The following ZNF12 variants were observed in gnomAD, a reference collection of about 807,000 sequenced individuals.
ZNF12 encodes the protein gonadotropin inducible transcription repressor 3.
ZNF12 carries 34 observed loss-of-function variants against 66.6 expected under a neutral mutation model. The ratio of observed to expected loss-of-function variants is 0.51; its 90% CI spans 0.39 to 0.68. The LOEUF is 0.68. Ranked by LOEUF, ZNF12 falls within the 30% of genes least tolerant of loss-of-function variation. ZNF12 has a pLI of 0.00. For missense variants in ZNF12, 697 were observed against 826.9 expected, an observed-to-expected ratio of 0.84 and a Z score of 1.93; for synonymous variants, 320 against 278.9, an observed-to-expected ratio of 1.15 and a Z score of -1.47.
At chr7:6,694,472 C>T (rs3801033) in intron 4 of ZNF12, among the ~76,000 whole-genome samples, 49,905 of 152,048 alleles carry the variant, frequency 0.33, 9,394 homozygotes, top group African/African-American at 0.53. Flanking sequence ...AAAAATATTC[C>T]GTTGCAGGAA....
intron 2 of ZNF12, among the ~76,000 whole-genome samples, chr7:6,703,874 C>T (rs763144006): frequency 3.3e-5 from 5 of 152,240 alleles, no homozygotes; most frequent in Non-Finnish European, 5.9e-5. Context: ...CAAATGTCCA[C>T]TAAGAGCATG....
At chr7:6,700,302 T>TACACACACACACACAC (rs780908025) in intron 2 of ZNF12, among the ~76,000 whole-genome samples, 3 of 83,876 alleles carry the variant, frequency 3.6e-5, no homozygotes, top group African/African-American at 1.7e-4. Flanking sequence ...AAAAAAAAAA[T>TACACACACACACACAC]ATACACACAC....
chr7:6,691,515 A>G lies in ZNF12; in HGVS notation c.1427T>C (p.Leu476Pro). The stretch of plus-strand genomic sequence containing the variant: ...CTGATGTCTCATGAGGGCTGAATTC[A>G]GGTAGAAGGTTTTTCCACATTCATT... ...ECNECGKTFY[L>P]NSALMRHQRV... Residue 476 changes from leucine to proline, a missense_variant, in exon 5 of 5, where the codon CTG becomes CCG. This residue lies in a region of ZNF12 where 401 missense variants were observed against 519.0 expected (regional missense o/e 0.77). Transcript: ENST00000405858. 6.2e-7 allele frequency: 1 copy of G among 1,611,610 alleles called. No individual in the cohort carries two copies. The highest frequency in any genetic ancestry group is 8.5e-7 in the Non-Finnish European group (1 of 1,179,136).
chr7:6,691,172 T>C lies in ZNF12; in HGVS notation c.1770A>G (p.Ser590=). 6.2e-7 allele frequency: 1 copy of C among 1,614,128 alleles called. No individual in the cohort carries two copies. The highest frequency in any genetic ancestry group is 8.5e-7 in the Non-Finnish European group (1 of 1,180,000). Residue 590 remains serine, a synonymous_variant, in exon 5 of 5, where the codon TCA becomes TCG. Transcript: ENST00000405858. ...SECGKTFCQN[S]ALNRHQRTHT... ...GTGTTCTCTGATGTCGATTAAGGGC[T>C]GAATTCTGGCAGAAGGTTTTCCCAC...
chr7:6,692,449 C>T lies in ZNF12; in HGVS notation c.493G>A (p.Ala165Thr). The T allele has an allele frequency of 1.2e-6, 2 of 1,612,988 alleles. No homozygotes were observed. Among genetic ancestry groups the T allele is most frequent in the Non-Finnish European group, 1.7e-6 (2 of 1,179,364 alleles). ...SSDGSYARMK[A>T]DECSGCGKSL... is the part of the protein sequence containing the mutation. The stretch of plus-strand genomic sequence containing the variant: ...TTCCCACATCCACTACATTCATCAG[C>T]TTTCATTCTTGCATAGCTTCCATCA... Residue 165 changes from alanine to threonine, a missense_variant, in exon 5 of 5, where the codon GCT (alanine) becomes ACT (threonine). Around this residue, in one of 3 missense-constraint regions of ZNF12, gnomAD observed 241 missense variants for 224.0 expected, o/e 1.08. Transcript: ENST00000405858. The surrounding 1 kb of genome is among the most constrained non-coding windows in gnomAD (Gnocchi z 5.1).
rs1237772788 is a variant in ZNF12 at position 6,706,449 on chromosome 7, G to A, written c.-68C>T. The A allele has an allele frequency of 4.2e-6, 2 of 478,560 alleles. No homozygotes were observed. The highest frequency in any genetic ancestry group is 4.2e-6 in the Non-Finnish European group (1 of 240,680). 29.6% of individuals were successfully genotyped at this position (478,560 alleles called of 1,614,324 possible). On this transcript the variant is annotated 5_prime_UTR_variant, in exon 1 of 5. Coordinates refer to ENST00000405858, the MANE Select transcript of ZNF12 (RefSeq NM_016265.4). Reference sequence around the variant, plus strand: ...CGACTTACCCTCCTGGGGCTCCGCAGCCTCTGCCCCACCGCTCCCGACAGG... The same window carrying A: ...CGACTTACCCTCCTGGGGCTCCGCAACCTCTGCCCCACCGCTCCCGACAGG...
In ZNF12 at chr7:6,691,575, TA is replaced by T; in HGVS notation, c.1366del (p.Tyr456IlefsTer21). 6.2e-7 allele frequency: 1 copy of T among 1,614,184 alleles called. No homozygotes were observed. The highest frequency in any genetic ancestry group is 2.2e-5 in the East Asian group (1 of 44,884). ...FSRLSYLTVH[Y>X]RTHSGEKPYE... ...GGGTTTCTCTCCTGAATGAGTTCTA[TA>T]ATGTACAGTGAGATATGACAACCGA... On this transcript the variant is annotated frameshift_variant, in exon 5 of 5. Coordinates refer to ENST00000405858, the MANE Select transcript of ZNF12 (RefSeq NM_016265.4). LOFTEE classifies it high-confidence loss of function.
chr7:6,696,375 T>C lies in ZNF12; in HGVS notation c.238+964A>G, dbSNP rs1780155546. ...GAGGTGGAAAGGTGATTAGTAATTATAATTTGGAATAGGTCATGATCAATT... is the reference window on the plus strand; with the variant it reads ...GAGGTGGAAAGGTGATTAGTAATTACAATTTGGAATAGGTCATGATCAATT... On this transcript the variant is annotated intron_variant, in intron 4 of 4. Transcript: ENST00000405858. This position sits in a 1 kb window ranked among gnomAD's most constrained non-coding sequence, Gnocchi z 4.0. Among the ~76,000 whole-genome samples, 1 of 152,170 alleles carries C rather than the reference T, an allele frequency of 6.6e-6. No individual in the cohort carries two copies. Among genetic ancestry groups the C allele is most frequent in the South Asian group, 2.1e-4 (1 of 4,834 alleles).
Position 6,689,950 on chromosome 7 carries a change from A to G in ZNF12, c.*898T>C, listed in dbSNP as rs1371741264. 6.6e-6 allele frequency: 1 copy of G among 152,238 alleles called. No homozygotes were observed. Among genetic ancestry groups the G allele is most frequent in the Non-Finnish European group, 1.5e-5 (1 of 68,048 alleles). The allele number at this position is 152,238 out of a possible 1,614,324, so 9.4% of individuals were successfully genotyped here. On this transcript the variant is annotated 3_prime_UTR_variant, in exon 5 of 5. Transcript: ENST00000405858. ...TTTTAAGTATATCTTAAAACTGTAT[A>G]GAGTGCAATGATTTTCTCACTCTTG... is the stretch of plus-strand genomic sequence containing the variant.
In ZNF12 at chr7:6,697,578, C is replaced by G. The variant is rs368648516; in HGVS notation, c.142+107G>C. On this transcript the variant is annotated intron_variant, in intron 3 of 4. Transcript: ENST00000405858. This position sits in a 1 kb window ranked among gnomAD's most constrained non-coding sequence, Gnocchi z 6.1. ...AAGACCAAAATGCCCTGCCTGGTGC[C>G]CAAAAACAGATTACTCACATTCGTC... 2 of 1,559,180 alleles carry G rather than the reference C, an allele frequency of 1.3e-6. No individual in the cohort carries two copies. Among genetic ancestry groups the G allele is most frequent in the African/African-American group, 2.7e-5 (2 of 73,534 alleles).
intron 4 of ZNF12, among the ~76,000 whole-genome samples, chr7:6,693,437 T>G (rs1780105084): frequency 6.6e-6 from 1 of 152,256 alleles, no homozygotes; most frequent in South Asian, 2.1e-4. Flanking sequence ...AGCTATAGGC[T>G]TATCTTGTGA....
In ZNF12 at chr7:6,689,655, A is replaced by G. The variant is rs1780035655; in HGVS notation, c.*1193T>C. 6.5e-6 allele frequency: 1 copy of G among 152,674 alleles called. No homozygotes were observed. 9.5% of individuals were successfully genotyped at this position (152,674 alleles called of 1,614,324 possible). A position where few individuals can be genotyped will look rare whatever the true frequency, so the allele number is the denominator to read the frequency against. ...TCTTAATTCATTAACAGGAAGGAGT[A>G]GAGCACAAGGTTTAAAACCAGTACG... On this transcript the variant is annotated 3_prime_UTR_variant, in exon 5 of 5. Coordinates refer to ENST00000405858, the MANE Select transcript of ZNF12 (RefSeq NM_016265.4).
At chr7:6,701,349 A>T (rs1780240388) in intron 2 of ZNF12, among the ~76,000 whole-genome samples, 1 of 152,180 alleles carries the variant, frequency 6.6e-6, no homozygotes, top group Non-Finnish European at 1.5e-5. Context: ...AGAAAAAAAG[A>T]CAAAATGCTA....
rs1297277796 is a variant in ZNF12 at position 6,696,688 on chromosome 7, GT to G, written c.238+650del. On this transcript the variant is annotated intron_variant, in intron 4 of 4. Transcript: ENST00000405858. This position sits in a 1 kb window ranked among gnomAD's most constrained non-coding sequence, Gnocchi z 4.0. The stretch of plus-strand genomic sequence containing the variant: ...CTTACTAAGCACCTGCCATGACAGG[GT>G]ATCATTCAAGGCATTGGGAACAGAA... Among the ~76,000 whole-genome samples the G allele has an allele frequency of 1.2e-4, 18 of 152,112 alleles. No homozygotes were observed. The highest frequency in any genetic ancestry group is 1.2e-3 in the Admixed American group (18 of 15,254).
rs1317423446 is a variant in ZNF12, at chr7:6,706,922, G to A, written c.-541C>T. The A allele has an allele frequency of 2.7e-5, 11 of 413,072 alleles. No homozygotes were observed. In the Admixed American group the frequency reaches 2.7e-4, roughly 10 times the overall value. The allele number at this position is 413,072 out of a possible 1,614,324, so 25.6% of individuals were successfully genotyped here. On this transcript the variant is annotated 5_prime_UTR_variant, in exon 1 of 5. Coordinates refer to ENST00000405858, the MANE Select transcript of ZNF12 (RefSeq NM_016265.4). ...TGGGAACTAGGGCGAGCGGTGACCT[G>A]GGGACGCACAGGAAGCGAGGGCACT...
At position 6,698,798 on chromosome 7, in the gene ZNF12, T is replaced by C. The variant is rs553385353; in HGVS notation, c.16-987A>G. ...TGTCAAAACCACATCTATAAATGTG[T>C]ATCTTTTGAATAAAGTGTCCCATTC... On this transcript the variant is annotated intron_variant, in intron 2 of 4. Coordinates refer to ENST00000405858, the MANE Select transcript of ZNF12 (RefSeq NM_016265.4). This position sits in a 1 kb window ranked among gnomAD's most constrained non-coding sequence, Gnocchi z 4.4. Among the ~76,000 whole-genome samples, 85 of 152,328 alleles carry C rather than the reference T, an allele frequency of 5.6e-4. No homozygotes were observed. The highest frequency in any genetic ancestry group is 1.9e-3 in the African/African-American group (78 of 41,582).
At position 6,705,972 on chromosome 7, in the gene ZNF12, A is replaced by C. The variant is rs975008874; in HGVS notation, c.-51+460T>G. ...ACACTGGCCTGGGAGATAAAACTCC[A>C]GAGTTCTACTATGAGCAACTCCACC... On this transcript the variant is annotated intron_variant, in intron 1 of 4. Transcript: ENST00000405858. The surrounding 1 kb of genome is among the most constrained non-coding windows in gnomAD (Gnocchi z 4.0). Among the ~76,000 whole-genome samples, 2 of 152,184 alleles carry C rather than the reference A, an allele frequency of 1.3e-5. No individual in the cohort carries two copies. The highest frequency in any genetic ancestry group is 4.8e-5 in the African/African-American group (2 of 41,446).
intron 2 of ZNF12, among the ~76,000 whole-genome samples, chr7:6,703,890 G>C (rs993190728): frequency 2.6e-5 from 4 of 152,232 alleles, no homozygotes; most frequent in Non-Finnish European, 4.4e-5. Context: ...GCATGTGCTG[G>C]ATTATTGGCA....
chr7:6,691,889 C>T lies in ZNF12; in HGVS notation c.1053G>A (p.Lys351=), dbSNP rs1780074471. ...IQHQRTHSGE[K]PYECSYCGKS... is the part of the protein sequence containing the mutation. ...TTCCACAATAACTACATTCATAGGG[C>T]TTCTCTCCTGAGTGAGTTCTCTGAT... Residue 351 remains lysine (K), a synonymous_variant, in exon 5 of 5, where the codon AAG becomes AAA. Coordinates refer to ENST00000405858, the MANE Select transcript of ZNF12 (RefSeq NM_016265.4). 1.2e-6 allele frequency: 2 copies of T among 1,614,016 alleles called. No individual in the cohort carries two copies. The highest frequency in any genetic ancestry group is 1.3e-5 in the African/African-American group (1 of 74,970).
Sources: allele counts gnomAD v4.1 joint callset (sites outside exome capture counted in the v4.1 genomes callset), GRCh38; gene constraint gnomAD v4.1.1; regional missense constraint gnomAD v4.1.1; non-coding constraint Gnocchi (gnomAD v3.1); transcripts MANE v1.5; gene names NCBI Gene and HGNC (gene_info 2026-07-23, HGNC 2026-07-21).